Variants in WRAP73 observed in about 807,000 individuals in gnomAD.
WRAP73 encodes the protein WD repeat containing, antisense to TP73.
In WRAP73, 55 loss-of-function variants were observed where a neutral mutation model predicts 59.6. That is an observed-to-expected ratio of 0.92 (90% CI 0.74 to 1.15). The LOEUF (loss-of-function observed/expected upper bound fraction) is 1.15, where lower values mean the gene tolerates loss of function less well. Among genes scored for constraint, WRAP73 ranks in the 50% most tolerant of loss-of-function variants. The pLI is 0.00. For missense variants in WRAP73, 592 were observed against 608.1 expected (o/e 0.97, Z 0.28); for synonymous variants, 265 against 258.2 (o/e 1.03, Z -0.25).
At chr1:3,641,069 T>C (rs1348077137) in intron 3 of WRAP73, among the ~76,000 whole-genome samples, 3 of 152,206 alleles carry the variant, frequency 2.0e-5, no homozygotes, top group Non-Finnish European at 2.9e-5. Flanking sequence ...TAGTTAAATA[T>C]ACACCTTCAT....
intron 6 of WRAP73, 54 bp downstream of exon 6, chr1:3,635,890 G>T: frequency 6.9e-7 from 1 of 1,457,976 alleles, no homozygotes; most frequent in Non-Finnish European, 9.6e-7. Context: ...CAGAAAGCAT[G>T]AAATTCCGGG....
intron 1 of WRAP73, 24 bp downstream of exon 1, chr1:3,649,907 G>A: frequency 6.3e-7 from 1 of 1,587,118 alleles, no homozygotes. Flanking sequence ...TGTCCTGCCC[G>A]TGGCCCAGGT....
intron 8 of WRAP73, chr1:3,634,584 C>T: frequency 4.3e-6 from 1 of 230,654 alleles, no homozygotes; most frequent in South Asian, 5.9e-5. Flanking sequence ...CCTGTCTCTC[C>T]AGCCGCACTC....
At chr1:3,642,804 C>T in intron 3 of WRAP73, among the ~76,000 whole-genome samples, 1 of 151,500 alleles carries the variant, frequency 6.6e-6, no homozygotes, top group Non-Finnish European at 1.5e-5. Context: ...CAGTGTGCCC[C>T]ACTACGTGAA....
chr1:3,631,722 CT>C, intron 10 of WRAP73, 65 bp from the exon 11 acceptor site: 2 of 1,536,174 alleles, frequency 1.3e-6, no homozygotes, highest in Non-Finnish European at 1.7e-6. Flanking sequence ...GGCCCTGCCC[CT>C]CTGCTCTGCT....
At chr1:3,636,219 C>T (rs1644588074) in intron 5 of WRAP73, 189 bp from the exon 6 acceptor site, 3 of 592,718 alleles carry the variant, frequency 5.1e-6, no homozygotes, top group African/African-American at 3.7e-5. Context: ...GCCACAGATG[C>T]CAGCGTCAGT....
intron 5 of WRAP73, chr1:3,636,650 C>A (rs1013927373): frequency 5.2e-6 from 2 of 385,104 alleles, no homozygotes; most frequent in African/African-American, 4.2e-5. Flanking sequence ...TGGCAGAGCG[C>A]CCTGCCTAAT....
At chr1:3,631,868 G>C in intron 10 of WRAP73, 1 of 1,393,572 alleles carries the variant, frequency 7.2e-7, no homozygotes, top group East Asian at 2.7e-5. Context: ...GGGCCCAAAT[G>C]TGTTTCTTTC....
At chr1:3,635,137 G>C (rs774094484) in intron 7 of WRAP73, 23 bp downstream of exon 7, 1 of 1,614,148 alleles carries the variant, frequency 6.2e-7, no homozygotes, top group East Asian at 2.2e-5. Context: ...CGGACTTCCT[G>C]AGTGCCCTGC....
chr1:3,638,628 C>T (rs1644610300), intron 4 of WRAP73, 122 bp downstream of exon 4: 1 of 1,009,250 alleles, frequency 9.9e-7, no homozygotes, highest in African/African-American at 1.6e-5. Context: ...TAAAAGAGCC[C>T]AAGGGGGTTG....
chr1:3,631,697 T>C (rs755483754), intron 10 of WRAP73, 40 bp from the exon 11 acceptor site: 1 of 1,557,912 alleles, frequency 6.4e-7, no homozygotes, highest in Non-Finnish European at 8.7e-7. Flanking sequence ...CATCCCTGCC[T>C]GGCTCCTCTG....
At chr1:3,645,339 T>C (rs557956792) in intron 3 of WRAP73, among the ~76,000 whole-genome samples, 29 of 150,640 alleles carry the variant, frequency 1.9e-4, no homozygotes, top group African/African-American at 7.1e-4. Context: ...CAGTGTGGTG[T>C]GAGCGGCGCA....
chr1:3,634,674 T>C (rs1644572573), intron 8 of WRAP73: 2 of 352,446 alleles, frequency 5.7e-6, no homozygotes, highest in Admixed American at 8.1e-5. Flanking sequence ...ATGCCCAGTG[T>C]TTGGGGGCAG....
chr1:3,648,607 T>C (rs58080962), intron 1 of WRAP73, among the ~76,000 whole-genome samples: 3 of 152,188 alleles, frequency 2.0e-5, no homozygotes, highest in Non-Finnish European at 4.4e-5. Context: ...ACTAGAAACA[T>C]GGACCTGCTC....
At chr1:3,641,051 A>G (rs904656113) in intron 3 of WRAP73, among the ~76,000 whole-genome samples, 9 of 152,248 alleles carry the variant, frequency 5.9e-5, no homozygotes, top group African/African-American at 2.2e-4. Context: ...CCCAATAAGA[A>G]AAAAAGGTAG....
chr1:3,640,136 G>A lies in WRAP73; in HGVS notation c.340-1314C>T, dbSNP rs1644625371. Among the ~76,000 whole-genome samples the A allele has an allele frequency of 4.6e-5, 7 of 152,338 alleles. No homozygotes were observed. The South Asian group carries it at 1.5e-3, about 32-fold the overall frequency. On this transcript the variant is annotated intron_variant, in intron 3 of 11. Transcript: ENST00000270708. ...AGGTAGTGGATCAACGAGCTCCAGGGGTCACGTGGCAGCACGGAAGGGCTC... is the reference window on the plus strand; with the variant it reads ...AGGTAGTGGATCAACGAGCTCCAGGAGTCACGTGGCAGCACGGAAGGGCTC...
In WRAP73 at chr1:3,631,599, C is replaced by G; in HGVS notation, c.1107G>C (p.Val369=). 1.2e-6 allele frequency: 2 copies of G among 1,606,604 alleles called. No homozygotes were observed. The highest frequency in any genetic ancestry group is 1.7e-6 in the Non-Finnish European group (2 of 1,179,812). ...WDIQKLRLFA[V]LEQLSPVRAF... The stretch of plus-strand genomic sequence containing the variant: ...CGCGCACTGGGGACAGCTGCTCGAG[C>G]ACCGCGAACAGCCTCAGCTTCTGAA... The change falls in exon 11 of 12, where the codon GTG becomes GTC. Residue 369 remains valine, a synonymous_variant. Coordinates refer to ENST00000270708, the MANE Select transcript of WRAP73 (RefSeq NM_017818.4).
At chr1:3,633,010 G>A (rs1644553436) in intron 9 of WRAP73, 6 of 261,662 alleles carry the variant, frequency 2.3e-5, no homozygotes, top group Non-Finnish European at 4.5e-5. Flanking sequence ...GAGTCAAGAG[G>A]CTGCATCAGA....
intron 4 of WRAP73, among the ~76,000 whole-genome samples, chr1:3,638,039 T>G (rs1033786718): frequency 3.3e-5 from 5 of 152,190 alleles, no homozygotes; most frequent in African/African-American, 1.2e-4. Context: ...ATATTCCAAC[T>G]ATAAGAATAA....
Sources: gnomAD v4.1 joint callset for allele counts (sites outside exome capture counted in the v4.1 genomes callset) on GRCh38, gnomAD v4.1.1 for gene constraint, MANE v1.5 for transcripts, NCBI Gene and HGNC (gene_info 2026-07-23, HGNC 2026-07-21) for gene names.